Variants in ZNF107 observed in about 807,000 individuals in gnomAD.
The protein encoded by ZNF107 is zinc finger protein 107.
ZNF107 carries 19 observed loss-of-function variants against 12.3 expected under a neutral mutation model. The observed-to-expected ratio is 1.55, with a 90% CI of 1.08 to 2.27. ZNF107 has a LOEUF of 2.27. Among genes scored for constraint, ZNF107 ranks in the 30% most tolerant of loss-of-function variants. ZNF107 has a pLI of 0.00. For missense variants in ZNF107, 958 were observed against 979.9 expected (o/e 0.98, Z 0.30); for synonymous variants, 317 against 330.5 (o/e 0.96, Z 0.44).
chr7:64,704,214 G>GT (rs1790567287), intron 3 of ZNF107, among the ~76,000 whole-genome samples: 1 of 151,984 alleles, frequency 6.6e-6, no homozygotes, highest in Non-Finnish European at 1.5e-5. Context: ...GTGAAATTCT[G>GT]TTTTTGTATA....
intron 1 of ZNF107, chr7:64,684,597 T>C: frequency 1.0e-6 from 1 of 985,398 alleles, no homozygotes; most frequent in Non-Finnish European, 1.2e-6. Context: ...CCGAAATCCC[T>C]GAAGAAACTT....
At chr7:64,703,511 C>T (rs1206384648) in intron 3 of ZNF107, among the ~76,000 whole-genome samples, 1 of 152,140 alleles carries the variant, frequency 6.6e-6, no homozygotes, top group East Asian at 1.9e-4. Context: ...CTCACTGTAA[C>T]CTCCACCTCT....
chr7:64,689,002 G>C (rs1790023363), intron 1 of ZNF107, among the ~76,000 whole-genome samples: 1 of 152,096 alleles, frequency 6.6e-6, no homozygotes, highest in African/African-American at 2.4e-5. Context: ...ACTTGCAGCT[G>C]CGCTAATCAA....
In ZNF107 at chr7:64,706,181, T is replaced by C. The variant is rs536044286; in HGVS notation, c.227-143T>C. On this transcript the variant is annotated intron_variant, in intron 3 of 3. Coordinates refer to ENST00000620827, the MANE Select transcript of ZNF107 (RefSeq NM_001282359.2). Reference sequence around the variant, plus strand: ...GGTGTTTATGTTTTTGTTACATTTATATGTCTATGAAGAAATTAGAGCCTG... The same window carrying C: ...GGTGTTTATGTTTTTGTTACATTTACATGTCTATGAAGAAATTAGAGCCTG... 3.7e-4 allele frequency: 280 copies of C among 765,994 alleles called. No homozygotes were observed. The African/African-American group carries it at 4.6e-3, about 13-fold the overall frequency. 47.4% of individuals were successfully genotyped at this position (765,994 alleles called of 1,614,324 possible).
chr7:64,669,148 T>A (rs144084251), intron 1 of ZNF107: 2,844 of 151,738 alleles, frequency 0.019, 79 homozygotes, highest in Admixed American at 0.082. Flanking sequence ...CGCAAGTAGC[T>A]GGGATTACAG....
intron 3 of ZNF107, among the ~76,000 whole-genome samples, chr7:64,693,341 T>A (rs1251645447): frequency 6.6e-6 from 1 of 151,410 alleles, no homozygotes; most frequent in Non-Finnish European, 1.5e-5. Context: ...CTTAACTAAT[T>A]CTTTTGCCAC....
chr7:64,702,244 G>A (rs1350642473), intron 3 of ZNF107, among the ~76,000 whole-genome samples: 1 of 151,604 alleles, frequency 6.6e-6, no homozygotes, highest in Non-Finnish European at 1.5e-5. Context: ...CGCCCCACTA[G>A]GTTCAAGTGA....
chr7:64,691,359 A>T lies in ZNF107; in HGVS notation c.115A>T (p.Asn39Tyr), dbSNP rs1436253772. The change falls in exon 2 of 4, where the codon AAC (asparagine) becomes TAC (tyrosine). Residue 39 changes from asparagine (N) to tyrosine (Y), a missense_variant. Coordinates refer to ENST00000620827, the MANE Select transcript of ZNF107 (RefSeq NM_001282359.2). Reference sequence around the variant, plus strand: ...GAATGTGTTGTTAGAGAACTACAGAAACCTGGTCTTTTTGGGTGAGGATAA... The same window carrying T: ...GAATGTGTTGTTAGAGAACTACAGATACCTGGTCTTTTTGGGTGAGGATAA... ...YRNVLLENYR[N>Y]LVFLGIAVSK... 1 of 1,497,150 alleles carries T rather than the reference A, an allele frequency of 6.7e-7. No homozygotes were observed. Among genetic ancestry groups the T allele is most frequent in the African/African-American group, 1.4e-5 (1 of 69,606 alleles). The allele number at this position is 1,497,150 out of a possible 1,614,324, so 92.7% of individuals were successfully genotyped here.
chr7:64,684,746 C>T (rs1348989310), intron 1 of ZNF107: 2 of 982,222 alleles, frequency 2.0e-6, no homozygotes, highest in Non-Finnish European at 2.4e-6. Flanking sequence ...TTTTAGGGCA[C>T]TCTGTATAAC....
At position 64,696,407 on chromosome 7, in the gene ZNF107, TG is replaced by T. The variant is rs566282947; in HGVS notation, c.226+4450del. Among the ~76,000 whole-genome samples, 516 of 152,170 alleles carry T rather than the reference TG, an allele frequency of 3.4e-3. 7 individuals are homozygous for T. The highest frequency in any genetic ancestry group is 0.012 in the African/African-American group (494 of 41,524). On this transcript the variant is annotated intron_variant, in intron 3 of 3. Coordinates refer to ENST00000620827, the MANE Select transcript of ZNF107 (RefSeq NM_001282359.2). ...GTGTGCACCTGTTTTCCCAGCTCTT[TG>T]GGAGATTGAGAGAGGAGGATTACTT...
chr7:64,668,765 C>T (rs370395321), intron 1 of ZNF107, among the ~76,000 whole-genome samples: 3 of 151,938 alleles, frequency 2.0e-5, no homozygotes, highest in South Asian at 2.1e-4. Flanking sequence ...TGATGTCCAA[C>T]GGTATTCCAA....
chr7:64,696,189 A>T (rs1406557735), intron 3 of ZNF107, among the ~76,000 whole-genome samples: 1 of 151,946 alleles, frequency 6.6e-6, no homozygotes, highest in Non-Finnish European at 1.5e-5. Flanking sequence ...AGTAGCTGGG[A>T]TTACAGGTGT....
In ZNF107 at chr7:64,706,656, C is replaced by T; in HGVS notation, c.559C>T (p.Gln187Ter). The T allele has an allele frequency of 6.8e-6, 11 of 1,613,416 alleles. No homozygotes were observed. Among genetic ancestry groups the T allele is most frequent in the East Asian group, 2.2e-5 (1 of 44,854 alleles). ...TAGCAAATCATTTTGCGTGCTTTCA[C>T]AACTAACTCAGCATAGAAGAATTCA... Reference protein sequence around the residue: ...ECSKSFCVLSQLTQHRRIHTR... With the variant: ...ECSKSFCVLS The change falls in exon 4 of 4, where the codon CAA (glutamine) becomes TAA (stop). Residue 187 changes from glutamine (Q) to a stop codon, truncating the protein, a stop_gained. Coordinates refer to ENST00000620827, the MANE Select transcript of ZNF107 (RefSeq NM_001282359.2). LOFTEE classifies it low-confidence loss of function (END_TRUNC).
chr7:64,701,523 C>T (rs62455806), intron 3 of ZNF107, among the ~76,000 whole-genome samples: 7,994 of 151,924 alleles, frequency 0.053, 289 homozygotes, highest in East Asian at 0.15. Context: ...CAAGTGTTAG[C>T]CACTGTGCCA....
At chr7:64,690,792 C>T (rs761130671) in intron 1 of ZNF107, among the ~76,000 whole-genome samples, 7 of 151,780 alleles carry the variant, frequency 4.6e-5, no homozygotes, top group Non-Finnish European at 5.9e-5. Context: ...GTCAGGCTGG[C>T]GTGCAGTGGA....
At chr7:64,697,837 G>T (rs1473590811) in intron 3 of ZNF107, among the ~76,000 whole-genome samples, 1 of 151,870 alleles carries the variant, frequency 6.6e-6, no homozygotes, top group Non-Finnish European at 1.5e-5. Flanking sequence ...GACTACATGC[G>T]CCCGCCACCA....
At chr7:64,702,574 T>G (rs79186897) in intron 3 of ZNF107, among the ~76,000 whole-genome samples, 19 of 152,312 alleles carry the variant, frequency 1.2e-4, no homozygotes, top group East Asian at 1.2e-3. Context: ...CTTTTTTTTT[T>G]CTTGAGACAA....
At chr7:64,678,918 A>G (rs577312772) in intron 1 of ZNF107, 2 of 151,996 alleles carry the variant, frequency 1.3e-5, no homozygotes, top group Non-Finnish European at 2.9e-5. Flanking sequence ...AATATATTCC[A>G]CTATATTAAC....
At chr7:64,667,425 TA>T (rs35912337) in intron 1 of ZNF107, among the ~76,000 whole-genome samples, 2 of 151,600 alleles carry the variant, frequency 1.3e-5, no homozygotes, top group South Asian at 2.1e-4. Context: ...CACTGTATTG[TA>T]AAAAAAAGTC....
Sources: gnomAD v4.1 joint callset for allele counts (sites outside exome capture counted in the v4.1 genomes callset) on GRCh38, gnomAD v4.1.1 for gene constraint, MANE v1.5 for transcripts, NCBI Gene and HGNC (gene_info 2026-07-23, HGNC 2026-07-21) for gene names.